RASA3: variants seen among roughly 807,000 people sequenced by gnomAD.
RASA3 encodes RAS p21 protein activator 3.
Under a neutral mutation model 110.0 loss-of-function variants are expected in RASA3, and 73 were observed. The ratio of observed to expected loss-of-function variants is 0.66; its 90% CI spans 0.55 to 0.81. The LOEUF is 0.81. Among genes scored for constraint, RASA3 ranks in the 30% least tolerant of loss-of-function variants. RASA3 has a pLI of 0.00. For missense variants in RASA3, 976 were observed against 1,113.2 expected, an observed-to-expected ratio of 0.88 and a Z score of 1.75; for synonymous variants, 500 against 451.4, an observed-to-expected ratio of 1.11 and a Z score of -1.37.
rs187654013 is a variant in RASA3, at chr13:114,056,228, C to T, written c.174-4073G>A. ...ATGAATGTCCAGTGCGTGTCCAATG[C>T]GTGTCTGGTGAGTGGTGAGTGTCTG... On this transcript the variant is annotated intron_variant, in intron 2 of 23. Transcript: ENST00000334062. The surrounding 1 kb of genome is among the most constrained non-coding windows in gnomAD (Gnocchi z 5.7). Among the ~76,000 whole-genome samples, 496 of 152,222 alleles carry T rather than the reference C, an allele frequency of 3.3e-3. 4 individuals carry two copies. Among genetic ancestry groups the T allele is most frequent in the African/African-American group, 0.011 (471 of 41,514 alleles).
intron 1 of RASA3, among the ~76,000 whole-genome samples, chr13:114,122,561 G>A (rs1012173014): frequency 4.5e-4 from 68 of 152,336 alleles, no homozygotes; most frequent in Middle Eastern, 3.4e-3. Context: ...CCCCCGAGCC[G>A]TGCCTTCCCC....
rs144105159 is a variant in RASA3 at position 114,041,323 on chromosome 13, A to G, written c.278-229T>C. Among the ~76,000 whole-genome samples, 212 of 152,372 alleles carry G rather than the reference A, an allele frequency of 1.4e-3. 1 individual carries two copies. The highest frequency in any genetic ancestry group is 4.9e-3 in the African/African-American group (205 of 41,588). ...GATATGGTGAAAACTTGTCTCTACA[A>G]AAAATAAAGGAATGAGCCGGGCATG... On this transcript the variant is annotated intron_variant, in intron 3 of 23. Transcript: ENST00000334062.
rs1406465769 is a variant in RASA3, at chr13:114,007,549, T to C, written c.1726A>G (p.Ile576Val). 3.1e-6 allele frequency: 5 copies of C among 1,613,088 alleles called. No individual in the cohort carries two copies. Among genetic ancestry groups the C allele is most frequent in the Non-Finnish European group, 4.2e-6 (5 of 1,179,542 alleles). The change falls in exon 18 of 24, where the codon ATC becomes GTC. Residue 576 changes from isoleucine (I) to valine (V), a missense_variant. Physicochemically the swap from Ile to Val is conservative, Grantham distance 29. Transcript: ENST00000334062. ...CCTCCTTACCCTTCTTTAAGCACGA[T>C]GGGCTGCTCAACACTCTTGGGGTCT... is the stretch of plus-strand genomic sequence containing the variant. ...RRDPKSVEQPIVLKEGFMIKR... is the reference protein window; with the variant it reads ...RRDPKSVEQPVVLKEGFMIKR...
intron 1 of RASA3, among the ~76,000 whole-genome samples, chr13:114,100,659 C>T (rs2139736952): frequency 6.6e-6 from 1 of 152,354 alleles, no homozygotes; most frequent in Admixed American, 6.5e-5. Context: ...ACATCCCACA[C>T]CAGGACACCT....
intron 1 of RASA3, among the ~76,000 whole-genome samples, chr13:114,078,811 G>C (rs2079733954): frequency 6.6e-6 from 1 of 152,226 alleles, no homozygotes; most frequent in African/African-American, 2.4e-5. Flanking sequence ...CCGAGGGTTA[G>C]GATGCCCAGG....
chr13:114,011,829 C>T lies in RASA3; in HGVS notation c.1513-581G>A, dbSNP rs761186386. ...CCAAGCTACTAGGGAGGCTGACGCA[C>T]GAGAATTGCTTGAACCCAGGAGGCA... On this transcript the variant is annotated intron_variant, in intron 15 of 23. Coordinates refer to ENST00000334062, the MANE Select transcript of RASA3 (RefSeq NM_007368.4). This position sits in a 1 kb window ranked among gnomAD's most constrained non-coding sequence, Gnocchi z 4.8. Among the ~76,000 whole-genome samples, 3 of 151,892 alleles carry T rather than the reference C, an allele frequency of 2.0e-5. No individual in the cohort carries two copies. Among genetic ancestry groups the T allele is most frequent in the African/African-American group, 4.8e-5 (2 of 41,314 alleles).
chr13:114,112,045 G>A lies in RASA3; in HGVS notation c.55+20390C>T, dbSNP rs1454141456. 6.6e-6 allele frequency among the ~76,000 whole-genome samples: 1 copy of A among 152,026 alleles called. No homozygotes were observed. The highest frequency in any genetic ancestry group is 1.5e-5 in the Non-Finnish European group (1 of 68,008). On this transcript the variant is annotated intron_variant, in intron 1 of 23. Transcript: ENST00000334062. The surrounding 1 kb of genome is among the most constrained non-coding windows in gnomAD (Gnocchi z 4.8). ...AAAAGGCAGATTCGCCCCTTTGTGT[G>A]GTCCCGTAAGTGACACTGTCCCTCC...
rs1400007029 is a variant in RASA3, at chr13:114,013,129, G to A, written c.1512+13C>T. Reference sequence around the variant, plus strand: ...CAGCTCAGAAAGCCTCGGTCCCTCAGCCGGTCACTCACCGTGTGGTGCGGC... The same window carrying A: ...CAGCTCAGAAAGCCTCGGTCCCTCAACCGGTCACTCACCGTGTGGTGCGGC... On this transcript the variant is annotated intron_variant, in intron 15 of 23. Transcript: ENST00000334062. 8 of 1,607,944 alleles carry A rather than the reference G, an allele frequency of 5.0e-6. No homozygotes were observed. The highest frequency in any genetic ancestry group is 6.8e-6 in the Non-Finnish European group (8 of 1,177,360).
chr13:114,077,970 C>T (rs1042048021), intron 1 of RASA3: 61 of 979,848 alleles, frequency 6.2e-5, no homozygotes, highest in Non-Finnish European at 7.3e-5. Context: ...TTGTTTCCAA[C>T]TGTTAATAAA....
At chr13:114,047,732 C>T (rs1309046665) in intron 3 of RASA3, among the ~76,000 whole-genome samples, 1 of 152,246 alleles carries the variant, frequency 6.6e-6, no homozygotes, top group African/African-American at 2.4e-5. Flanking sequence ...GGCTCACAGC[C>T]GCACAGCGCG....
At chr13:114,030,018 G>A (rs1008945181) in intron 4 of RASA3, 131 bp from the exon 5 acceptor site, 27 of 764,186 alleles carry the variant, frequency 3.5e-5, no homozygotes, top group South Asian at 7.7e-5. Flanking sequence ...CAATGGGCAC[G>A]TCCAGCCCCT....
At chr13:114,088,182 C>A (rs1268046562) in intron 1 of RASA3, among the ~76,000 whole-genome samples, 1 of 152,150 alleles carries the variant, frequency 6.6e-6, no homozygotes, top group African/African-American at 2.4e-5. Flanking sequence ...ACACACACAA[C>A]AAATCTAAAA....
intron 14 of RASA3, among the ~76,000 whole-genome samples, chr13:114,013,624 G>GTC (rs1156560858): frequency 1.3e-4 from 4 of 30,372 alleles, no homozygotes; most frequent in Non-Finnish European, 1.7e-4. Flanking sequence ...CCCTCCATCT[G>GTC]TCTCTCTCTC....
rs2079096300 is a variant in RASA3, at chr13:114,048,781, C to T, written c.277+3271G>A. On this transcript the variant is annotated intron_variant, in intron 3 of 23. Transcript: ENST00000334062. This position sits in a 1 kb window ranked among gnomAD's most constrained non-coding sequence, Gnocchi z 4.3. Reference sequence around the variant, plus strand: ...GCCATGGACCCAGGGACAGAGGAGGCTACGGTCACGCCGCCCGGGACCCGC... The same window carrying T: ...GCCATGGACCCAGGGACAGAGGAGGTTACGGTCACGCCGCCCGGGACCCGC... 6.6e-6 allele frequency among the ~76,000 whole-genome samples: 1 copy of T among 152,100 alleles called. No individual in the cohort carries two copies. Among genetic ancestry groups the T allele is most frequent in the Non-Finnish European group, 1.5e-5 (1 of 68,018 alleles).
rs779494611 is a variant in RASA3, at chr13:114,016,212, G to A, written c.1266C>T (p.Asn422=). ...IDPVKLKDGE[N]LENNMENLRQ... The stretch of plus-strand genomic sequence containing the variant: ...CAAAACCTACCATGTTGTTTTCAAG[G>A]TTTTCTCCGTCTTTCAACTTCACAG... The change falls in exon 13 of 24, where the codon AAC becomes AAT. Residue 422 remains asparagine, a synonymous_variant. Coordinates refer to ENST00000334062, the MANE Select transcript of RASA3 (RefSeq NM_007368.4). The A allele has an allele frequency of 6.3e-7, 1 of 1,594,958 alleles. No individual in the cohort carries two copies.
chr13:113,999,556 A>G, intron 20 of RASA3, 29 bp downstream of exon 20: 3 of 1,598,170 alleles, frequency 1.9e-6, no homozygotes, highest in Non-Finnish European at 2.6e-6. Context: ...CCTCAACCCG[A>G]AAGAGAGGCT....
intron 3 of RASA3, among the ~76,000 whole-genome samples, chr13:114,042,525 A>G (rs998014805): frequency 1.3e-5 from 2 of 152,204 alleles, no homozygotes; most frequent in Non-Finnish European, 2.9e-5. Flanking sequence ...CTGAAGTGAG[A>G]AACTCTGGGT....
Position 114,014,028 on chromosome 13 carries a change from C to CTG in RASA3, c.1406-781_1406-780insCA. Among the ~76,000 whole-genome samples the CTG allele has an allele frequency of 8.2e-6, 1 of 121,860 alleles. No homozygotes were observed. The highest frequency in any genetic ancestry group is 8.2e-5 in the Admixed American group (1 of 12,212). 79.9% of individuals were successfully genotyped at this position (121,860 alleles called of 152,430 possible). On this transcript the variant is annotated intron_variant, in intron 14 of 23. Transcript: ENST00000334062. This position sits in a 1 kb window ranked among gnomAD's most constrained non-coding sequence, Gnocchi z 4.5. ...TGTCTCTGTCTCTCTCCATCTCTCT[C>CTG]TCTCCGTCTCTATCTCTCTCTCCGT...
chr13:113,994,165 C>T (rs1345702419), intron 21 of RASA3, among the ~76,000 whole-genome samples: 2 of 152,026 alleles, frequency 1.3e-5, no homozygotes, highest in Non-Finnish European at 2.9e-5. Context: ...ACAGTTTTTC[C>T]CTTTTCTTCC....
Sources: allele counts gnomAD v4.1 joint callset (sites outside exome capture counted in the v4.1 genomes callset), GRCh38; gene constraint gnomAD v4.1.1; non-coding constraint Gnocchi (gnomAD v3.1); transcripts MANE v1.5; gene names NCBI Gene and HGNC (gene_info 2026-07-23, HGNC 2026-07-21).